SLC1A6: variants seen among roughly 807,000 people sequenced by gnomAD.
SLC1A6 encodes the protein solute carrier family 1 member 6.
In SLC1A6, 15 loss-of-function variants were observed where a neutral mutation model predicts 42.1. The ratio of observed to expected loss-of-function variants is 0.36; its 90% confidence interval spans 0.24 to 0.55. The LOEUF (loss-of-function observed/expected upper bound fraction) is 0.55, where lower values mean the gene tolerates loss of function less well. Among genes scored for constraint, SLC1A6 ranks in the 20% least tolerant of loss-of-function variants. The pLI is 0.88. For synonymous variants in SLC1A6, 317 were observed against 319.7 expected (o/e 0.99, Z 0.09); for missense variants, 542 against 772.5 (o/e 0.70, Z 3.54).
At chr19:14,991,106 G>C (rs1486897944) in intron 1 of SLC1A6, among the ~76,000 whole-genome samples, 1 of 152,044 alleles carries the variant, frequency 6.6e-6, no homozygotes, top group African/African-American at 2.4e-5. Context: ...AGAGAAGCCG[G>C]ATACAAAAGG....
intron 4 of SLC1A6, among the ~76,000 whole-genome samples, chr19:14,967,483 T>TA (rs750070086): frequency 2.6e-5 from 4 of 152,144 alleles, no homozygotes; most frequent in Admixed American, 2.6e-4. Flanking sequence ...CACGCCTCCT[T>TA]ACACTCTCTC....
chr19:14,982,327 C>T (rs150684500), upstream of SLC1A6, among the ~76,000 whole-genome samples: 205 of 152,038 alleles, frequency 1.3e-3, no homozygotes, highest in African/African-American at 4.4e-3. Context: ...GTCAGGAGTT[C>T]GAGACCAGCC....
At chr19:15,008,376 T>C (rs192862638) in intron 1 of SLC1A6, among the ~76,000 whole-genome samples, 11 of 151,330 alleles carry the variant, frequency 7.3e-5, no homozygotes, top group African/African-American at 2.7e-4. Flanking sequence ...ATATACAGAA[T>C]ATCTATTATT....
At chr19:14,989,438 T>G (rs1295983647) in intron 1 of SLC1A6, among the ~76,000 whole-genome samples, 2 of 151,804 alleles carry the variant, frequency 1.3e-5, no homozygotes, top group Admixed American at 1.3e-4. Flanking sequence ...ATTTTGTATT[T>G]TTAGTAGAGA....
At chr19:14,981,903 C>G (rs982159991), upstream of SLC1A6, among the ~76,000 whole-genome samples, 11 of 152,064 alleles carry the variant, frequency 7.2e-5, no homozygotes, top group African/African-American at 2.7e-4. Flanking sequence ...TGGCAGGTGC[C>G]TGTAGTCCCA....
intron 4 of SLC1A6, among the ~76,000 whole-genome samples, chr19:14,965,147 G>A (rs1229470527): frequency 3.3e-5 from 5 of 151,756 alleles, no homozygotes; most frequent in Non-Finnish European, 7.4e-5. Context: ...AGCCTCCCAA[G>A]TAGCTGGGAT....
intron 1 of SLC1A6, among the ~76,000 whole-genome samples, chr19:15,001,069 C>T (rs1568302225): frequency 6.6e-6 from 1 of 152,184 alleles, no homozygotes; most frequent in African/African-American, 2.4e-5. Flanking sequence ...CTTGGTTGGT[C>T]CACACACATG....
intron 2 of SLC1A6, 49 bp from the exon 3 acceptor site, chr19:14,971,923 C>G (rs772557813): frequency 1.2e-6 from 2 of 1,603,758 alleles, no homozygotes; most frequent in Admixed American, 3.4e-5. Context: ...GTCGCTCAGC[C>G]CCAGGCAGGG....
chr19:14,978,391 G>C (rs1479882721), intron 1 of SLC1A6: 1 of 152,220 alleles, frequency 6.6e-6, no homozygotes. Context: ...TGGAAACCAA[G>C]TACATCACAC....
chr19:14,966,323 C>T (rs1259221789), intron 4 of SLC1A6, among the ~76,000 whole-genome samples: 1 of 152,108 alleles, frequency 6.6e-6, no homozygotes, highest in Non-Finnish European at 1.5e-5. Context: ...GAAACCCTGT[C>T]TCCACTAAAA....
At position 14,962,336 on chromosome 19, in the gene SLC1A6, G is replaced by A; in HGVS notation, c.601C>T (p.Gln201Ter). 2 of 1,612,754 alleles carry A rather than the reference G, an allele frequency of 1.2e-6. No homozygotes were observed. Among genetic ancestry groups the A allele is most frequent in the Non-Finnish European group, 1.7e-6 (2 of 1,178,918 alleles). ...VEACFKQFKT[Q>*]YSTRVVTRTM... ...CTGGTTACCACCCTCGTGCTGTACT[G>A]CGTCTTGAACTGAAATAGAGAGAGA... The change falls in exon 6 of 10, where the codon CAG becomes TAG. Residue 201 changes from glutamine to a stop codon, truncating the protein, a stop_gained. Coordinates refer to ENST00000594383, the MANE Select transcript of SLC1A6 (RefSeq NM_005071.3). LOFTEE classifies it high-confidence loss of function.
chr19:14,984,306 C>G (rs2045782432), upstream of SLC1A6, among the ~76,000 whole-genome samples: 1 of 151,940 alleles, frequency 6.6e-6, no homozygotes, highest in South Asian at 2.1e-4. Context: ...GCCCTCCAGC[C>G]TGGGCAACAA....
At chr19:14,955,669 T>C (rs2045456149) in intron 7 of SLC1A6, among the ~76,000 whole-genome samples, 1 of 151,762 alleles carries the variant, frequency 6.6e-6, no homozygotes, top group Non-Finnish European at 1.5e-5. Flanking sequence ...GCGTGGCGGC[T>C]TACACATGTA....
At chr19:14,998,775 T>C (rs2045859024) in intron 1 of SLC1A6, among the ~76,000 whole-genome samples, 1 of 152,282 alleles carries the variant, frequency 6.6e-6, no homozygotes, top group Admixed American at 6.5e-5. Flanking sequence ...TTTTGGAGCA[T>C]CCCTTCTCCT....
At chr19:14,975,813 G>A (rs1249621183) in intron 1 of SLC1A6, among the ~76,000 whole-genome samples, 2 of 136,342 alleles carry the variant, frequency 1.5e-5, no homozygotes, top group Non-Finnish European at 3.0e-5. Flanking sequence ...GAAGGGAAGG[G>A]AAGGGGACAA....
intron 8 of SLC1A6, 75 bp downstream of exon 8, chr19:14,954,060 C>T: frequency 8.2e-7 from 1 of 1,219,024 alleles, no homozygotes; most frequent in Non-Finnish European, 1.2e-6. Context: ...CCCCTCCTCC[C>T]TCCCCAACCC....
chr19:14,956,469 GCCA>G lies in SLC1A6; in HGVS notation c.1169+4_1169+6del. 6.5e-7 allele frequency: 1 copy of G among 1,549,916 alleles called. No homozygotes were observed. The highest frequency in any genetic ancestry group is 8.8e-7 in the Non-Finnish European group (1 of 1,140,644). ...GAATGGTGCTGGGGTGGGGAGCAAG[GCCA>G]TACCTGGAAGACGTGCCCATAGCGG... On this transcript the variant is annotated splice_donor_5th_base_variant and intron_variant, in intron 7 of 9. Coordinates refer to ENST00000594383, the MANE Select transcript of SLC1A6 (RefSeq NM_005071.3).
intron 1 of SLC1A6, among the ~76,000 whole-genome samples, chr19:14,978,911 AACAC>A (rs146285928): frequency 1.3e-5 from 2 of 150,762 alleles, no homozygotes; most frequent in Non-Finnish European, 3.0e-5. Context: ...TACACACAGA[AACAC>A]ACACACACAC....
rs376827332 is a variant in SLC1A6 at position 14,965,257 on chromosome 19, G to A, written c.549-896C>T. On this transcript the variant is annotated intron_variant, in intron 4 of 9. Coordinates refer to ENST00000594383, the MANE Select transcript of SLC1A6 (RefSeq NM_005071.3). ...GATGGTCTCAATCTCCTGACCTCAT[G>A]ATCTGCCTGCCTCAGCCTCCCAAAG... is the stretch of plus-strand genomic sequence containing the variant. Among the ~76,000 whole-genome samples the A allele has an allele frequency of 2.1e-4, 32 of 152,172 alleles. 1 individual carries two copies. The highest frequency in any genetic ancestry group is 7.5e-4 in the African/African-American group (31 of 41,528).
Sources: allele counts gnomAD v4.1 joint callset (sites outside exome capture counted in the v4.1 genomes callset), GRCh38; gene constraint gnomAD v4.1.1; transcripts MANE v1.5; gene names NCBI Gene and HGNC (gene_info 2026-07-23, HGNC 2026-07-21).